The following SLC5A1 variants were observed in gnomAD, a reference collection of about 807,000 sequenced individuals.
The protein encoded by SLC5A1 is solute carrier family 5 member 1.
Under a neutral mutation model 73.5 loss-of-function variants are expected in SLC5A1, and 42 were observed. That is an observed-to-expected ratio of 0.57 (90% CI 0.45 to 0.74). The LOEUF (loss-of-function observed/expected upper bound fraction) is 0.74, where lower values mean the gene tolerates loss of function less well. SLC5A1 is among the 30% of genes least tolerant of loss of function. SLC5A1 has a pLI of 0.00. For synonymous variants in SLC5A1, 300 were observed against 317.4 expected, an observed-to-expected ratio of 0.95 and a Z score of 0.58; for missense variants, 634 against 855.4, an observed-to-expected ratio of 0.74 and a Z score of 3.23.
chr22:32,095,407 G>T (rs1038609743), intron 11 of SLC5A1, among the ~76,000 whole-genome samples: 2 of 152,134 alleles, frequency 1.3e-5, no homozygotes, highest in South Asian at 2.1e-4. Flanking sequence ...TTGACTTTCT[G>T]TCTTGATGAC....
intron 5 of SLC5A1, among the ~76,000 whole-genome samples, chr22:32,077,733 C>G (rs2093993286): frequency 6.6e-6 from 1 of 152,088 alleles, no homozygotes; most frequent in Admixed American, 6.6e-5. Context: ...TATTTATACC[C>G]TTTTCTTGGT....
chr22:32,088,189 C>T (rs764652728), intron 10 of SLC5A1, among the ~76,000 whole-genome samples: 3 of 152,100 alleles, frequency 2.0e-5, no homozygotes, highest in Non-Finnish European at 4.4e-5. Context: ...GGTGGGCAGA[C>T]CCTCCTAGTG....
chr22:32,098,604 A>G (rs2094030149), intron 11 of SLC5A1, among the ~76,000 whole-genome samples: 1 of 152,226 alleles, frequency 6.6e-6, no homozygotes, highest in Non-Finnish European at 1.5e-5. Flanking sequence ...GAGTGGGCCT[A>G]GGCTACTATT....
intron 2 of SLC5A1, among the ~76,000 whole-genome samples, chr22:32,055,905 G>A (rs781420710): frequency 5.3e-5 from 8 of 152,194 alleles, no homozygotes; most frequent in Admixed American, 2.0e-4. Context: ...GTGGTACCCA[G>A]ACCAGCAGCA....
chr22:32,090,109 A>AAC (rs1025540092), intron 10 of SLC5A1, among the ~76,000 whole-genome samples: 2 of 151,942 alleles, frequency 1.3e-5, no homozygotes, highest in African/African-American at 4.8e-5. Context: ...TCAAAAAAAA[A>AAC]AAAAAAAACA....
intron 10 of SLC5A1, among the ~76,000 whole-genome samples, chr22:32,090,508 T>G (rs1198268662): frequency 6.6e-6 from 1 of 152,204 alleles, no homozygotes; most frequent in African/African-American, 2.4e-5. Flanking sequence ...ATGAATAATA[T>G]TCCATCACAT....
rs2094053668 is a variant in SLC5A1 at position 32,110,121 on chromosome 22, A to G, written c.1903A>G (p.Thr635Ala). 1 of 1,614,128 alleles carries G rather than the reference A, an allele frequency of 6.2e-7. No individual in the cohort carries two copies. The highest frequency in any genetic ancestry group is 8.5e-7 in the Non-Finnish European group (1 of 1,179,994). ...EKAMKMKMTD[T>A]SEKPLWRTVL... ...AGCCATGAAGATGAAGATGACGGAC[A>G]CCTCTGAGAAGCCTTTGTGGAGGAC... The change falls in exon 15 of 15, where the codon ACC becomes GCC. Residue 635 changes from threonine (T) to alanine (A), a missense_variant. By Grantham distance (58) the Thr-to-Ala change is moderately conservative. Transcript: ENST00000266088.
chr22:32,078,675 C>T (rs1367755449), intron 5 of SLC5A1, among the ~76,000 whole-genome samples: 1 of 152,040 alleles, frequency 6.6e-6, no homozygotes, highest in Non-Finnish European at 1.5e-5. Flanking sequence ...ACCTTGCTGG[C>T]TGAGCATGGT....
At chr22:32,094,682 T>C (rs1465354427) in intron 11 of SLC5A1, among the ~76,000 whole-genome samples, 1 of 152,210 alleles carries the variant, frequency 6.6e-6, no homozygotes, top group Non-Finnish European at 1.5e-5. Context: ...GTGTCAGTTG[T>C]AATATCTTCT....
intron 5 of SLC5A1, 123 bp downstream of exon 5, chr22:32,068,723 T>C: frequency 2.8e-6 from 2 of 726,820 alleles, no homozygotes; most frequent in African/African-American, 1.7e-5. Context: ...TAAGCCTTCT[T>C]GCGCCTTGGA....
At chr22:32,048,641 C>A (rs1474389180) in intron 1 of SLC5A1, among the ~76,000 whole-genome samples, 1 of 152,116 alleles carries the variant, frequency 6.6e-6, no homozygotes, top group Non-Finnish European at 1.5e-5. Context: ...GGAATCTTAC[C>A]ACATTCCTCC....
chr22:32,099,104 AAAT>A (rs1569316181), intron 11 of SLC5A1, 76 bp from the exon 12 acceptor site: 6 of 85,724 alleles, frequency 7.0e-5, no homozygotes, highest in African/African-American at 3.4e-4. Flanking sequence ...AAAAAAAAAA[AAAT>A]ATATATATAT....
chr22:32,067,404 C>G (rs1031764964), intron 3 of SLC5A1, among the ~76,000 whole-genome samples: 4 of 151,614 alleles, frequency 2.6e-5, no homozygotes, highest in Non-Finnish European at 4.4e-5. Flanking sequence ...CAAGGTCTTG[C>G]TCCACTGCTC....
At position 32,084,952 on chromosome 22, in the gene SLC5A1, GC is replaced by G. The variant is rs773087193; in HGVS notation, c.939del (p.Cys314AlafsTer7). On this transcript the variant is annotated frameshift_variant, in exon 9 of 15. Coordinates refer to ENST00000266088, the MANE Select transcript of SLC5A1 (RefSeq NM_000343.4). LOFTEE classifies it high-confidence loss of function. ...AAGAATATGTCTCACGTGAAGGGTG[GC>G]TGCATCCTGTGTGGGTATCTAAAGC... ...SAKNMSHVKG[G>X]CILCGYLKLM... 1 of 1,614,182 alleles carries G rather than the reference GC, an allele frequency of 6.2e-7. No individual in the cohort carries two copies. Among genetic ancestry groups the G allele is most frequent in the Admixed American group, 1.7e-5 (1 of 60,020 alleles).
intron 2 of SLC5A1, among the ~76,000 whole-genome samples, chr22:32,055,056 G>C (rs1047585672): frequency 6.6e-6 from 1 of 152,190 alleles, no homozygotes; most frequent in African/African-American, 2.4e-5. Context: ...ATCTCGATGA[G>C]AGGATGGATT....
Position 32,086,319 on chromosome 22 carries a change from T to A in SLC5A1, c.1121T>A (p.Met374Lys). ...IAYPTLVVEL[M>K]PNGLRGLMLS... Reference sequence around the variant, plus strand: ...TATCCAACCTTAGTGGTGGAGCTCATGCCCAATGGTGAGATTCTTTCTTGG... The same window carrying A: ...TATCCAACCTTAGTGGTGGAGCTCAAGCCCAATGGTGAGATTCTTTCTTGG... Residue 374 changes from methionine to lysine, a missense_variant, in exon 10 of 15, where the codon ATG becomes AAG. Around this residue, in one of 3 missense-constraint regions of SLC5A1, gnomAD observed 422 missense variants for 626.1 expected, o/e 0.67. Coordinates refer to ENST00000266088, the MANE Select transcript of SLC5A1 (RefSeq NM_000343.4). The A allele has an allele frequency of 6.2e-7, 1 of 1,607,600 alleles. No homozygotes were observed. The highest frequency in any genetic ancestry group is 8.5e-7 in the Non-Finnish European group (1 of 1,174,038).
At chr22:32,052,030 G>A (rs1352376416) in intron 2 of SLC5A1, among the ~76,000 whole-genome samples, 1 of 152,198 alleles carries the variant, frequency 6.6e-6, no homozygotes, top group Admixed American at 6.5e-5. Context: ...TTGAAGGACT[G>A]TCATATCACT....
In SLC5A1 at chr22:32,060,144, TACAC is replaced by T. The variant is rs61064953; in HGVS notation, c.208-6751_208-6748del. Among the ~76,000 whole-genome samples, 1,016 of 125,116 alleles carry T rather than the reference TACAC, an allele frequency of 8.1e-3. 12 individuals are homozygous for T. Among genetic ancestry groups the T allele is most frequent in the African/African-American group, 0.022 (577 of 25,796 alleles). 82.1% of individuals were successfully genotyped at this position (125,116 alleles called of 152,430 possible). Reference sequence around the variant, plus strand: ...ATACATACACACATATATATACACATACACACACACACACACACACACACACACA... The same window carrying T: ...ATACATACACACATATATATACACATACACACACACACACACACACACACA... On this transcript the variant is annotated intron_variant, in intron 2 of 14. Transcript: ENST00000266088.
intron 7 of SLC5A1, 147 bp downstream of exon 7, chr22:32,083,301 CAGATGGG>C: frequency 1.5e-6 from 1 of 670,350 alleles, no homozygotes; most frequent in South Asian, 1.8e-5. Context: ...GGGTCCAGCC[CAGATGGG>C]CTGTCATTGT....
Sources: gnomAD v4.1 joint callset for allele counts (sites outside exome capture counted in the v4.1 genomes callset) on GRCh38, gnomAD v4.1.1 for gene constraint, gnomAD v4.1.1 regional missense constraint, MANE v1.5 for transcripts, NCBI Gene and HGNC (gene_info 2026-07-23, HGNC 2026-07-21) for gene names.